The following FAM107A variants were observed in gnomAD, a reference collection of about 807,000 sequenced individuals.
The protein encoded by FAM107A is family with sequence similarity 107 member A, also known as actin-associated protein FAM107A.
A neutral mutation model predicts 13.7 loss-of-function variants in FAM107A; 19 were observed. The observed-to-expected ratio is 1.38, with a 90% CI of 0.97 to 2.03. The LOEUF is 2.03. Among genes scored for constraint, FAM107A ranks in the 30% most tolerant of loss-of-function variants. The pLI, the probability that FAM107A is intolerant of heterozygous loss-of-function variation, is 0.00. For synonymous variants in FAM107A, 82 were observed against 74.5 expected (o/e 1.10, Z -0.52); for missense variants, 203 against 184.4 (o/e 1.10, Z -0.58).
At chr3:58,576,254 T>G (rs557060977) in intron 1 of FAM107A, among the ~76,000 whole-genome samples, 11 of 152,374 alleles carry the variant, frequency 7.2e-5, no homozygotes, top group African/African-American at 2.6e-4. Context: ...CTGAACATTT[T>G]GCCTCAGGTC....
At chr3:58,586,997 G>T in exon 1 of FAM107A, 1 of 1,462,018 alleles carries the variant, frequency 6.8e-7, no homozygotes, top group Non-Finnish European at 9.0e-7. Context: ...CAGCAGGAGC[G>T]TAGTCCGGAG....
intron 1 of FAM107A, chr3:58,609,131 C>T (rs925336365): frequency 3.3e-5 from 5 of 152,150 alleles, no homozygotes; most frequent in African/African-American, 9.7e-5. Flanking sequence ...GGCCCCAGTG[C>T]TGAGGGATGG....
rs146902361 is a variant in FAM107A at position 58,566,145 on chromosome 3, G to T, written c.*443C>A. On this transcript the variant is annotated 3_prime_UTR_variant, in exon 4 of 4. Coordinates refer to ENST00000360997, the MANE Select transcript of FAM107A (RefSeq NM_001076778.3). Reference sequence around the variant, plus strand: ...GTGTCCTTGAAGCTAAGCTCTGCTGGCTGCAGGTAAAACCACAGGTGGGGG... The same window carrying T: ...GTGTCCTTGAAGCTAAGCTCTGCTGTCTGCAGGTAAAACCACAGGTGGGGG... 20 of 155,602 alleles carry T rather than the reference G, an allele frequency of 1.3e-4. No individual in the cohort carries two copies. In the East Asian group the frequency reaches 3.7e-3, roughly 29 times the overall value. 9.6% of individuals were successfully genotyped at this position (155,602 alleles called of 1,614,324 possible). A position where few individuals can be genotyped will look rare whatever the true frequency, so the allele number is the denominator to read the frequency against.
chr3:58,572,261 C>T (rs559522956), intron 1 of FAM107A, among the ~76,000 whole-genome samples: 6 of 152,210 alleles, frequency 3.9e-5, no homozygotes, highest in Non-Finnish European at 4.4e-5. Flanking sequence ...AGTGAGATCC[C>T]GGCGCTCACA....
chr3:58,579,304 C>A (rs188475526), upstream of FAM107A, among the ~76,000 whole-genome samples: 30 of 152,178 alleles, frequency 2.0e-4, 2 homozygotes, highest in Admixed American at 1.8e-3. Flanking sequence ...GTGGGAGGGA[C>A]AGGGCAGGCA....
At chr3:58,587,032 G>T (rs935065047) in exon 1 of FAM107A, 42 of 1,368,040 alleles carry the variant, frequency 3.1e-5, no homozygotes, top group Middle Eastern at 2.6e-4. Context: ...CGACGGTGAC[G>T]CGGCCCCAAG....
exon 1 of FAM107A, chr3:58,587,093 G>T (rs1041151336): frequency 1.5e-6 from 2 of 1,370,114 alleles, no homozygotes; most frequent in Non-Finnish European, 1.9e-6. Context: ...AGGGGCGGGC[G>T]AGGAGACGCC....
intron 1 of FAM107A, among the ~76,000 whole-genome samples, chr3:58,573,018 CT>C (rs1477848694): frequency 1.3e-5 from 2 of 149,206 alleles, no homozygotes; most frequent in African/African-American, 4.9e-5. Context: ...GTGGTCAGCC[CT>C]GGCTCAATGA....
intron 1 of FAM107A, chr3:58,609,407 C>T (rs1334027330): frequency 1.3e-5 from 2 of 152,206 alleles, no homozygotes; most frequent in Non-Finnish European, 2.9e-5. Context: ...CCCCTCCTCA[C>T]CCCATTGCCC....
chr3:58,575,961 TG>T (rs143347394), intron 1 of FAM107A, among the ~76,000 whole-genome samples: 1 of 152,300 alleles, frequency 6.6e-6, no homozygotes, highest in East Asian at 1.9e-4. Flanking sequence ...CAGCATTTAA[TG>T]GGATGCCAGG....
At chr3:58,605,452 C>T (rs909899414) in intron 1 of FAM107A, among the ~76,000 whole-genome samples, 2 of 152,212 alleles carry the variant, frequency 1.3e-5, no homozygotes, top group South Asian at 2.1e-4. Context: ...AAACCCTGAT[C>T]TCTGCCTCCT....
At chr3:58,599,710 T>A (rs202072703) in intron 1 of FAM107A, among the ~76,000 whole-genome samples, 8 of 39,294 alleles carry the variant, frequency 2.0e-4, no homozygotes, top group Admixed American at 3.3e-4. Flanking sequence ...TTTTTTTTTT[T>A]TTTTTTTTTT....
chr3:58,622,284 C>CA lies in FAM107A; in HGVS notation c.-70+5131dup, dbSNP rs1276626409. Among the ~76,000 whole-genome samples, 6 of 152,016 alleles carry CA rather than the reference C, an allele frequency of 3.9e-5. No homozygotes were observed. The South Asian group carries it at 8.3e-4, about 21-fold the overall frequency. On this transcript the variant is annotated intron_variant, in intron 1 of 3. Coordinates refer to the FAM107A transcript ENST00000465970. The stretch of plus-strand genomic sequence containing the variant: ...CAAAACCCCATCTCTACTAAAAATA[C>CA]AAAAAAATTAGCTGGGCGTGGTGAT...
rs1374755366 is a variant in FAM107A, at chr3:58,577,300, T to C, written c.-6+9A>G. On this transcript the variant is annotated intron_variant, in intron 1 of 3. Coordinates refer to ENST00000360997, the MANE Select transcript of FAM107A (RefSeq NM_001076778.3). The surrounding 1 kb of genome is among the most constrained non-coding windows in gnomAD (Gnocchi z 4.9). The stretch of plus-strand genomic sequence containing the variant: ...AACAGCAGATGAAACAGAACAGAGA[T>C]GGTCTTACTTCTCAGGTCGAGTCCT... The C allele has an allele frequency of 2.0e-6, 2 of 984,450 alleles. No homozygotes were observed. Among genetic ancestry groups the C allele is most frequent in the Non-Finnish European group, 2.4e-6 (2 of 829,086 alleles). The allele number at this position is 984,450 out of a possible 1,614,324, so 61.0% of individuals were successfully genotyped here.
At chr3:58,592,712 A>G (rs527712097) in intron 1 of FAM107A, among the ~76,000 whole-genome samples, 12 of 152,318 alleles carry the variant, frequency 7.9e-5, no homozygotes, top group Middle Eastern at 3.4e-3. Context: ...TCTTTTAAAG[A>G]CACACCTCAC....
Position 58,595,976 on chromosome 3 carries a change from C to A in FAM107A, c.-69-6707G>T, listed in dbSNP as rs189664564. The stretch of plus-strand genomic sequence containing the variant: ...CTCACCGTTTCCAAATCGGGAGATG[C>A]TGGCTTAATTATAATTTTGGTTAGT... On this transcript the variant is annotated intron_variant, in intron 1 of 3. Coordinates refer to the FAM107A transcript ENST00000465970. Among the ~76,000 whole-genome samples, 845 of 152,304 alleles carry A rather than the reference C, an allele frequency of 5.5e-3. 2 individuals carry two copies. Among genetic ancestry groups the A allele is most frequent in the Non-Finnish European group, 9.6e-3 (652 of 68,026 alleles).
At chr3:58,614,635 T>A (rs2065885032) in intron 1 of FAM107A, among the ~76,000 whole-genome samples, 1 of 149,790 alleles carries the variant, frequency 6.7e-6, no homozygotes. Flanking sequence ...CTCCCAAGTA[T>A]CTGGGATTAC....
intron 1 of FAM107A, among the ~76,000 whole-genome samples, chr3:58,623,647 G>T (rs1354719521): frequency 1.3e-5 from 2 of 152,214 alleles, no homozygotes; most frequent in Non-Finnish European, 2.9e-5. Context: ...TCCACCTTCA[G>T]AAGCGCCGGC....
chr3:58,573,720 T>C (rs943137237), intron 1 of FAM107A: 1 of 152,242 alleles, frequency 6.6e-6, no homozygotes, highest in African/African-American at 2.4e-5. Flanking sequence ...ATAGGGAGGC[T>C]GAAGCCATTC....
Sources: allele counts gnomAD v4.1 joint callset (sites outside exome capture counted in the v4.1 genomes callset), GRCh38; gene constraint gnomAD v4.1.1; non-coding constraint Gnocchi (gnomAD v3.1); transcripts MANE v1.5; gene names NCBI Gene and HGNC (gene_info 2026-07-23, HGNC 2026-07-21).